CA8: variants seen among roughly 807,000 people sequenced by gnomAD.
The protein encoded by CA8 is carbonic anhydrase-related protein.
Under a neutral mutation model 41.4 loss-of-function variants are expected in CA8, and 22 were observed. The ratio of observed to expected loss-of-function variants is 0.53; its 90% CI spans 0.38 to 0.76. CA8 has a LOEUF of 0.76. CA8 is among the 30% of genes least tolerant of loss of function. The pLI, the probability that CA8 is intolerant of heterozygous loss-of-function variation, is 0.00. For synonymous variants in CA8, 121 were observed against 130.6 expected (o/e 0.93, Z 0.50); for missense variants, 270 against 352.8 (o/e 0.77, Z 1.88).
At chr8:60,271,264 C>T (rs1804062587) in intron 2 of CA8, among the ~76,000 whole-genome samples, 1 of 151,868 alleles carries the variant, frequency 6.6e-6, no homozygotes, top group Non-Finnish European at 1.5e-5. Context: ...ATTGCTTGAG[C>T]CCAGGACTTG....
intron 3 of CA8, among the ~76,000 whole-genome samples, chr8:60,243,602 C>T (rs1162893159): frequency 2.0e-5 from 3 of 152,060 alleles, no homozygotes; most frequent in African/African-American, 7.2e-5. Flanking sequence ...AACTGCTCAC[C>T]GTCTACGGCC....
At chr8:60,251,327 C>A (rs1434860035) in intron 3 of CA8, among the ~76,000 whole-genome samples, 1 of 152,188 alleles carries the variant, frequency 6.6e-6, no homozygotes, top group Admixed American at 6.5e-5. Context: ...TACTCTTTTG[C>A]CCATCTTATG....
At chr8:60,255,701 T>C (rs1236471819) in intron 3 of CA8, among the ~76,000 whole-genome samples, 1 of 152,206 alleles carries the variant, frequency 6.6e-6, no homozygotes, top group Non-Finnish European at 1.5e-5. Context: ...TTCAACAACT[T>C]AAACTCAGGT....
chr8:60,198,844 G>C (rs754084483), intron 8 of CA8, among the ~76,000 whole-genome samples: 1 of 152,178 alleles, frequency 6.6e-6, no homozygotes, highest in Middle Eastern at 3.4e-3. Context: ...AACTAATTTA[G>C]ATGATTAATA....
Position 60,257,995 on chromosome 8 carries a change from T to A in CA8, c.417+7930A>T, listed in dbSNP as rs190311997. ...TGGTCCAAAAATATTAAATGGAAAATTGCAGAAATAAACAGTTCATATGTT... is the reference window on the plus strand; with the variant it reads ...TGGTCCAAAAATATTAAATGGAAAAATGCAGAAATAAACAGTTCATATGTT... On this transcript the variant is annotated intron_variant, in intron 3 of 8. Coordinates refer to ENST00000317995, the MANE Select transcript of CA8 (RefSeq NM_004056.6). 3.2e-4 allele frequency among the ~76,000 whole-genome samples: 49 copies of A among 152,322 alleles called. No individual in the cohort carries two copies. The East Asian group carries it at 9.4e-3, about 29-fold the overall frequency.
intron 3 of CA8, among the ~76,000 whole-genome samples, chr8:60,238,099 G>GT (rs1807895699): frequency 6.6e-6 from 1 of 152,112 alleles, no homozygotes; most frequent in African/African-American, 2.4e-5. Flanking sequence ...CCTGTGAAAC[G>GT]TTCAAAACGT....
chr8:60,229,582 A>AC (rs1563357191), intron 4 of CA8, among the ~76,000 whole-genome samples: 1 of 152,012 alleles, frequency 6.6e-6, no homozygotes, highest in Non-Finnish European at 1.5e-5. Context: ...AAGTCTCTTC[A>AC]CCCGTCAGTC....
intron 7 of CA8, among the ~76,000 whole-genome samples, chr8:60,217,084 G>A (rs566123187): frequency 5.9e-5 from 9 of 151,978 alleles, no homozygotes; most frequent in African/African-American, 1.4e-4. Context: ...GGGTTTCACC[G>A]TGTTGGCCAG....
chr8:60,195,507 A>G (rs1806256092), intron 8 of CA8, among the ~76,000 whole-genome samples: 2 of 152,216 alleles, frequency 1.3e-5, no homozygotes. Context: ...TAAGTACAGT[A>G]ATTCAGTGTA....
intron 2 of CA8, among the ~76,000 whole-genome samples, chr8:60,277,448 G>T (rs970728573): frequency 3.3e-5 from 5 of 152,012 alleles, no homozygotes; most frequent in African/African-American, 1.2e-4. Flanking sequence ...CCGCCTCCCA[G>T]GTTCAAGTGA....
At chr8:60,190,068 C>T (rs1354587908) in intron 8 of CA8, 83 bp from the exon 9 acceptor site, 2 of 149,970 alleles carry the variant, frequency 1.3e-5, no homozygotes, top group Non-Finnish European at 3.0e-5. Context: ...TTTTACAGTA[C>T]AAGAGATAGT....
intron 6 of CA8, among the ~76,000 whole-genome samples, chr8:60,223,672 A>G (rs73243989): frequency 0.016 from 2,421 of 152,342 alleles, 75 homozygotes; most frequent in African/African-American, 0.056. Flanking sequence ...CAATAAAACA[A>G]AATGAGTCAT....
rs186654157 is a variant in CA8, at chr8:60,187,351, T to C, written c.*2670A>G. The C allele has an allele frequency of 6.6e-6, 1 of 152,152 alleles. No individual in the cohort carries two copies. Among genetic ancestry groups the C allele is most frequent in the African/African-American group, 2.4e-5 (1 of 41,458 alleles). 9.4% of individuals were successfully genotyped at this position (152,152 alleles called of 1,614,324 possible). On this transcript the variant is annotated 3_prime_UTR_variant, in exon 9 of 9. Coordinates refer to ENST00000317995, the MANE Select transcript of CA8 (RefSeq NM_004056.6). ...CAATGCTCAGAGGAAAATTTATAACTGTTAATGCCTTTATTCAAAAAAGAA... is the reference window on the plus strand; with the variant it reads ...CAATGCTCAGAGGAAAATTTATAACCGTTAATGCCTTTATTCAAAAAAGAA...
At chr8:60,209,200 T>C (rs1276515418) in intron 7 of CA8, among the ~76,000 whole-genome samples, 1 of 152,212 alleles carries the variant, frequency 6.6e-6, no homozygotes, top group East Asian at 1.9e-4. Flanking sequence ...GTAAAAATGA[T>C]ACAGGCCGGG....
chr8:60,210,571 T>C (rs1806799076), intron 7 of CA8, among the ~76,000 whole-genome samples: 1 of 151,792 alleles, frequency 6.6e-6, no homozygotes. Context: ...ATTAAACGGA[T>C]AGTTCAATTA....
chr8:60,226,423 C>T (rs544498766), intron 5 of CA8, among the ~76,000 whole-genome samples: 27 of 152,286 alleles, frequency 1.8e-4, no homozygotes, highest in Admixed American at 5.2e-4. Context: ...TAAGCTGATG[C>T]TGACAATGTG....
At chr8:60,249,912 A>T (rs1808387414) in intron 3 of CA8, among the ~76,000 whole-genome samples, 1 of 152,206 alleles carries the variant, frequency 6.6e-6, no homozygotes, top group African/African-American at 2.4e-5. Context: ...TTGATTACTG[A>T]TGTGGATAAG....
intron 7 of CA8, among the ~76,000 whole-genome samples, chr8:60,220,874 TG>T (rs1289895001): frequency 6.6e-6 from 1 of 152,186 alleles, no homozygotes; most frequent in Non-Finnish European, 1.5e-5. Context: ...AAAAGATCCC[TG>T]TTGAGATCCT....
At chr8:60,279,110 G>A (rs952286188) in intron 2 of CA8, among the ~76,000 whole-genome samples, 2 of 132,664 alleles carry the variant, frequency 1.5e-5, no homozygotes, top group South Asian at 2.5e-4. Context: ...TTCATGGGAT[G>A]GAACTTAAAT....
Sources: gnomAD v4.1 joint callset for allele counts (sites outside exome capture counted in the v4.1 genomes callset) on GRCh38, gnomAD v4.1.1 for gene constraint, MANE v1.5 for transcripts, NCBI Gene and HGNC (gene_info 2026-07-23, HGNC 2026-07-21) for gene names.